Variants in SDAD1 observed in about 807,000 individuals in gnomAD.
SDAD1 encodes the protein SDA1 domain containing 1.
SDAD1 carries 79 observed loss-of-function variants against 100.3 expected under a neutral mutation model. That is an observed-to-expected ratio of 0.79 (90% CI 0.66 to 0.95). SDAD1 has a LOEUF of 0.95. SDAD1 is among the 40% of genes least tolerant of loss of function. The probability of loss-of-function intolerance (pLI) is 0.00; values close to 1 mark genes in which losing one functional copy is unlikely to be tolerated. For synonymous variants in SDAD1, 267 were observed against 271.4 expected, an observed-to-expected ratio of 0.98 and a Z score of 0.16; for missense variants, 790 against 810.9, an observed-to-expected ratio of 0.97 and a Z score of 0.31.
chr4:75,962,356 CAT>C (rs1320128057), intron 14 of SDAD1, among the ~76,000 whole-genome samples: 7 of 152,200 alleles, frequency 4.6e-5, no homozygotes, highest in African/African-American at 1.2e-4. Context: ...CTGCAATAAA[CAT>C]ATGTGTGCAT....
At chr4:75,979,232 A>G (rs1730347235) in intron 3 of SDAD1, among the ~76,000 whole-genome samples, 1 of 152,032 alleles carries the variant, frequency 6.6e-6, no homozygotes, top group African/African-American at 2.4e-5. Context: ...AAAAAATACA[A>G]TGTTTCTATC....
At chr4:75,960,942 A>C in intron 16 of SDAD1, 86 bp downstream of exon 16, 1 of 1,056,758 alleles carries the variant, frequency 9.5e-7, no homozygotes. Flanking sequence ...CAGAAGCATC[A>C]TAAGTACTAA....
intron 3 of SDAD1, chr4:75,980,688 T>TG (rs1351178220): frequency 6.6e-6 from 1 of 152,524 alleles, no homozygotes; most frequent in African/African-American, 2.4e-5. Context: ...CATCCTGCAT[T>TG]GGAGTCAGAG....
chr4:75,984,254 T>C (rs1560557412), intron 1 of SDAD1, among the ~76,000 whole-genome samples: 1 of 151,948 alleles, frequency 6.6e-6, no homozygotes, highest in Non-Finnish European at 1.5e-5. Context: ...CTCAAACTCC[T>C]GGGCTCAAGA....
At chr4:75,971,330 A>C (rs1729852821) in intron 9 of SDAD1, 27 bp downstream of exon 9, 1 of 1,478,578 alleles carries the variant, frequency 6.8e-7, no homozygotes, top group African/African-American at 1.4e-5. Flanking sequence ...AATCACTCCT[A>C]TCTCATTTTC....
chr4:75,986,331 AG>A lies in SDAD1; in HGVS notation c.91-4295del, dbSNP rs543826520. 1.6e-3 allele frequency among the ~76,000 whole-genome samples: 240 copies of A among 152,212 alleles called. 1 individual carries two copies. The highest frequency in any genetic ancestry group is 5.6e-3 in the African/African-American group (234 of 41,518). ...TCCAGCAATCTCATTACATTTCTCT[AG>A]TCCCTTCACTTTCCCACTTTTCTGG... On this transcript the variant is annotated intron_variant, in intron 1 of 21. Transcript: ENST00000356260.
chr4:75,982,048 A>G lies in SDAD1; in HGVS notation c.91-11T>C. The stretch of plus-strand genomic sequence containing the variant: ...ATACTGCTGTAGAAACTGCAGAAAA[A>G]TAAAATTTAAGTTTGTCACATTGTA... On this transcript the variant is annotated splice_polypyrimidine_tract_variant and intron_variant, in intron 1 of 21. Coordinates refer to ENST00000356260, the MANE Select transcript of SDAD1 (RefSeq NM_018115.4). The G allele has an allele frequency of 6.5e-7, 1 of 1,550,382 alleles. No individual in the cohort carries two copies. The highest frequency in any genetic ancestry group is 8.8e-7 in the Non-Finnish European group (1 of 1,130,934).
In SDAD1 at chr4:75,957,567, T is replaced by TC. The variant is rs1178347483; in HGVS notation, c.1719dup (p.Lys574GlufsTer9). 1 of 1,614,222 alleles carries TC rather than the reference T, an allele frequency of 6.2e-7. No individual in the cohort carries two copies. The highest frequency in any genetic ancestry group is 1.1e-5 in the South Asian group (1 of 91,078). On this transcript the variant is annotated frameshift_variant, in exon 19 of 22. Transcript: ENST00000356260. LOFTEE classifies it high-confidence loss of function. ...TCAATGTATTTCCTCTTCTGGGATT[T>TC]CCCGGGGGCAGCATCAAGTTCTTTT...
chr4:75,975,060 A>G (rs1178690163), intron 6 of SDAD1, among the ~76,000 whole-genome samples: 2 of 151,830 alleles, frequency 1.3e-5, no homozygotes, highest in African/African-American at 4.8e-5. Flanking sequence ...ATAAATAAAT[A>G]AAAATTAAAA....
At chr4:75,982,516 C>G (rs908043215) in intron 1 of SDAD1, among the ~76,000 whole-genome samples, 7 of 152,046 alleles carry the variant, frequency 4.6e-5, no homozygotes, top group Middle Eastern at 3.4e-3. Context: ...GGTGTGGTGG[C>G]GTGCACCTGT....
intron 8 of SDAD1, among the ~76,000 whole-genome samples, chr4:75,972,685 T>A (rs1215135426): frequency 6.6e-6 from 1 of 151,794 alleles, no homozygotes; most frequent in Non-Finnish European, 1.5e-5. Context: ...ATTTTAATAT[T>A]TTATGCCATC....
At chr4:75,972,649 A>ATTT (rs33999037) in intron 8 of SDAD1, among the ~76,000 whole-genome samples, 1 of 143,828 alleles carries the variant, frequency 7.0e-6, no homozygotes, top group Non-Finnish European at 1.5e-5. Flanking sequence ...GGGAAGGATA[A>ATTT]TTTTTTTTTT....
chr4:75,977,352 T>C (rs112304779), intron 4 of SDAD1, among the ~76,000 whole-genome samples: 6 of 152,160 alleles, frequency 3.9e-5, no homozygotes, highest in African/African-American at 1.4e-4. Context: ...AGTTACTCTA[T>C]CTCTCTTTAA....
chr4:75,959,114 A>AAG (rs1729080209), intron 17 of SDAD1, among the ~76,000 whole-genome samples: 12 of 147,840 alleles, frequency 8.1e-5, no homozygotes, highest in Admixed American at 3.4e-4. Context: ...AAAAAAAAAA[A>AAG]AAAAAAAAAA....
At chr4:75,969,584 T>A (rs17001290) in intron 10 of SDAD1, among the ~76,000 whole-genome samples, 185 bp from the exon 11 acceptor site, 2,057 of 152,322 alleles carry the variant, frequency 0.014, 37 homozygotes, top group African/African-American at 0.045. Flanking sequence ...AGCATCAACA[T>A]CTAGAGTGAC....
intron 10 of SDAD1, 117 bp from the exon 11 acceptor site, chr4:75,969,516 A>G: frequency 1.6e-6 from 1 of 621,986 alleles, no homozygotes. Flanking sequence ...AAACAGGTGA[A>G]TATGTCAATA....
At position 75,973,336 on chromosome 4, in the gene SDAD1, T is replaced by A. The variant is rs1242025895; in HGVS notation, c.692A>T (p.Asp231Val). Residue 231 changes from aspartate to valine, a missense_variant, in exon 8 of 22, where the codon GAC becomes GTC. Transcript: ENST00000356260. ...ACTAACCTCAGATTCGGAGTCACTG[T>A]CCTGTTTTTCATCTTCATCTTTCCC... ...FLGKDEDEKQ[D>V]SDSESEDDGP... is the part of the protein sequence containing the mutation. 1 of 1,613,412 alleles carries A rather than the reference T, an allele frequency of 6.2e-7. No homozygotes were observed. Among genetic ancestry groups the A allele is most frequent in the African/African-American group, 1.3e-5 (1 of 74,910 alleles).
intron 12 of SDAD1, 94 bp from the exon 13 acceptor site, chr4:75,965,916 G>T: frequency 1.0e-6 from 1 of 1,002,824 alleles, no homozygotes; most frequent in Non-Finnish European, 1.5e-6. Context: ...TGGTCTAAAT[G>T]GTATTGCTGC....
At position 75,975,958 on chromosome 4, in the gene SDAD1, A is replaced by C. The variant is rs754192160; in HGVS notation, c.443T>G (p.Ile148Arg). ...YTHIVTDIKN[I>R]NAKHKNNKVN... The stretch of plus-strand genomic sequence containing the variant: ...TTTATTGTTCTTGTGTTTTGCATTT[A>C]TATTCTTGATATCAGTCACAATATG... Residue 148 changes from isoleucine (I) to arginine (R), a missense_variant, in exon 5 of 22, where the codon ATA becomes AGA. Ile to Arg is a moderately conservative substitution (Grantham distance 97). Coordinates refer to ENST00000356260, the MANE Select transcript of SDAD1 (RefSeq NM_018115.4). 6.2e-7 allele frequency: 1 copy of C among 1,603,688 alleles called. No homozygotes were observed. The highest frequency in any genetic ancestry group is 8.5e-7 in the Non-Finnish European group (1 of 1,170,628).
Sources: gnomAD v4.1 joint callset for allele counts (sites outside exome capture counted in the v4.1 genomes callset) on GRCh38, gnomAD v4.1.1 for gene constraint, MANE v1.5 for transcripts, NCBI Gene and HGNC (gene_info 2026-07-23, HGNC 2026-07-21) for gene names.